NPAS3: variants seen among roughly 807,000 people sequenced by gnomAD.
NPAS3 encodes neuronal PAS domain-containing protein 3.
Under a neutral mutation model 73.1 loss-of-function variants are expected in NPAS3, and 14 were observed. The observed-to-expected ratio is 0.19, with a 90% CI of 0.13 to 0.30. The LOEUF (loss-of-function observed/expected upper bound fraction) is 0.30, where lower values mean the gene tolerates loss of function less well. NPAS3 is among the 10% of genes least tolerant of loss of function. The pLI is 1.00. For missense variants in NPAS3, 1,096 were observed against 1,250.0 expected (o/e 0.88, Z 1.86); for synonymous variants, 620 against 541.5 (o/e 1.14, Z -2.01).
chr14:33,735,674 C>T (rs1179322311), intron 7 of NPAS3, among the ~76,000 whole-genome samples: 1 of 152,092 alleles, frequency 6.6e-6, no homozygotes, highest in African/African-American at 2.4e-5. Flanking sequence ...AGGACTGCTA[C>T]TTAGGAGAGT....
At chr14:33,322,620 A>G (rs2043506669) in intron 3 of NPAS3, among the ~76,000 whole-genome samples, 1 of 151,966 alleles carries the variant, frequency 6.6e-6, no homozygotes, top group South Asian at 2.1e-4. Context: ...CTAAATGTTT[A>G]TTTTTTTAAA....
At chr14:33,388,975 T>A (rs1210195901) in intron 4 of NPAS3, among the ~76,000 whole-genome samples, 1 of 152,060 alleles carries the variant, frequency 6.6e-6, no homozygotes, top group Admixed American at 6.5e-5. Context: ...ATTAACATGT[T>A]GTTCCCTTCT....
intron 3 of NPAS3, among the ~76,000 whole-genome samples, chr14:33,221,061 G>A (rs561744025): frequency 3.0e-4 from 45 of 152,330 alleles, no homozygotes; most frequent in African/African-American, 1.0e-3. Context: ...TGGGCTCAGC[G>A]GGTGCCTCTG....
At chr14:33,144,846 G>A (rs1339878458) in intron 2 of NPAS3, among the ~76,000 whole-genome samples, 1 of 152,066 alleles carries the variant, frequency 6.6e-6, no homozygotes, top group Non-Finnish European at 1.5e-5. Flanking sequence ...CTCCTATCTT[G>A]GCCTCCCAAA....
intron 4 of NPAS3, among the ~76,000 whole-genome samples, chr14:33,529,885 G>GGTAA (rs1169878086): frequency 1.3e-5 from 2 of 152,080 alleles, no homozygotes; most frequent in East Asian, 3.9e-4. Flanking sequence ...GCGGCAGCAT[G>GGTAA]TTCTATTAAC....
intron 1 of NPAS3, among the ~76,000 whole-genome samples, chr14:33,049,719 G>A (rs1161910768): frequency 2.0e-5 from 3 of 152,162 alleles, no homozygotes; most frequent in Non-Finnish European, 2.9e-5. Flanking sequence ...AGCTAGTAGC[G>A]GCAGAGCTCC....
chr14:33,616,451 G>C (rs1415071064), intron 5 of NPAS3, among the ~76,000 whole-genome samples: 1 of 152,194 alleles, frequency 6.6e-6, no homozygotes, highest in African/African-American at 2.4e-5. Flanking sequence ...GAGGGGAAGA[G>C]GAGAAGGTGA....
intron 2 of NPAS3, among the ~76,000 whole-genome samples, chr14:33,130,538 T>C (rs151257646): frequency 1.6e-4 from 24 of 152,332 alleles, no homozygotes; most frequent in African/African-American, 5.3e-4. Context: ...AAATCAATGA[T>C]ACTTTATGGA....
chr14:33,246,972 T>C (rs1382472360), intron 3 of NPAS3, among the ~76,000 whole-genome samples: 2 of 151,554 alleles, frequency 1.3e-5, no homozygotes, highest in African/African-American at 4.9e-5. Flanking sequence ...CAAGACCATG[T>C]TATTGCGCTC....
Position 33,218,299 on chromosome 14 carries a change from C to A in NPAS3, c.385+2873C>A, listed in dbSNP as rs180961209. ...AATAATGAAGATGTAAACATAGTGA[C>A]TCCCTACTGTCTACCCCGGCTCTCA... On this transcript the variant is annotated intron_variant, in intron 3 of 11. Coordinates refer to ENST00000356141, the Ensembl canonical transcript of NPAS3. Among the ~76,000 whole-genome samples the A allele has an allele frequency of 8.2e-4, 125 of 152,256 alleles. 1 individual carries two copies. Among genetic ancestry groups the A allele is most frequent in the African/African-American group, 2.9e-3 (122 of 41,558 alleles).
chr14:33,406,072 T>C (rs1222881342), intron 4 of NPAS3, among the ~76,000 whole-genome samples: 1 of 152,104 alleles, frequency 6.6e-6, no homozygotes, highest in East Asian at 1.9e-4. Context: ...AAAACATTTT[T>C]CAAAAGCAAA....
At chr14:33,802,399 A>G (rs944560486), downstream of NPAS3, 1 of 151,528 alleles carries the variant, frequency 6.6e-6, no homozygotes, top group Non-Finnish European at 1.5e-5. Context: ...AAAGAAAAAA[A>G]AAAGAAAAAG....
At chr14:33,737,100 G>T (rs1414915721) in intron 7 of NPAS3, among the ~76,000 whole-genome samples, 1 of 152,162 alleles carries the variant, frequency 6.6e-6, no homozygotes, top group African/African-American at 2.4e-5. Context: ...CAGAGCCAGG[G>T]TTTGAACCTG....
At chr14:33,703,877 T>A (rs2060587979) in intron 6 of NPAS3, among the ~76,000 whole-genome samples, 1 of 152,272 alleles carries the variant, frequency 6.6e-6, no homozygotes, top group African/African-American at 2.4e-5. Context: ...AGGGCCAGGA[T>A]TTCAACCCAG....
chr14:33,737,107 C>G (rs956943543), intron 7 of NPAS3, among the ~76,000 whole-genome samples: 1 of 152,168 alleles, frequency 6.6e-6, no homozygotes, highest in Non-Finnish European at 1.5e-5. Context: ...AGGGTTTGAA[C>G]CTGGGGAGTC....
At chr14:33,407,001 C>A (rs1035540210) in intron 4 of NPAS3, among the ~76,000 whole-genome samples, 2 of 152,130 alleles carry the variant, frequency 1.3e-5, no homozygotes, top group Non-Finnish European at 2.9e-5. Context: ...CTATTTCAAC[C>A]CCTGCTGAGA....
intron 2 of NPAS3, among the ~76,000 whole-genome samples, chr14:33,084,208 A>G (rs529164045): frequency 2.6e-5 from 4 of 152,344 alleles, no homozygotes; most frequent in East Asian, 3.9e-4. Context: ...TGGCACCACT[A>G]TAAGTTTGAA....
chr14:33,368,078 G>A (rs966342996), intron 4 of NPAS3, among the ~76,000 whole-genome samples: 2 of 152,002 alleles, frequency 1.3e-5, no homozygotes, highest in Non-Finnish European at 2.9e-5. Flanking sequence ...AATTGGAGAA[G>A]CAGACAAGTT....
chr14:33,304,779 T>C (rs1463021122), intron 3 of NPAS3, among the ~76,000 whole-genome samples: 5 of 152,192 alleles, frequency 3.3e-5, no homozygotes, highest in Non-Finnish European at 5.9e-5. Flanking sequence ...TATTTCATTT[T>C]CTATAAAAAC....
Sources: gnomAD v4.1 joint callset for allele counts (sites outside exome capture counted in the v4.1 genomes callset) on GRCh38, gnomAD v4.1.1 for gene constraint, MANE v1.5 for transcripts, NCBI Gene and HGNC (gene_info 2026-07-23, HGNC 2026-07-21) for gene names.